HCN1: variants seen among roughly 807,000 people sequenced by gnomAD.
The protein encoded by HCN1 is potassium/sodium hyperpolarization-activated cyclic nucleotide-gated channel 1.
Under a neutral mutation model 78.9 loss-of-function variants are expected in HCN1, and 13 were observed. The observed-to-expected ratio is 0.16, with a 90% CI of 0.11 to 0.26. HCN1 has a LOEUF of 0.26. Among genes scored for constraint, HCN1 ranks in the 10% least tolerant of loss-of-function variants. The pLI is 1.00. For missense variants in HCN1, 810 were observed against 1,154.3 expected (o/e 0.70, Z 4.32); for synonymous variants, 552 against 455.5 (o/e 1.21, Z -2.70).
intron 2 of HCN1, among the ~76,000 whole-genome samples, chr5:45,506,605 A>G (rs1742306805): frequency 6.6e-6 from 1 of 152,172 alleles, no homozygotes. Flanking sequence ...GGGTTCATCA[A>G]TAAGAGAGGA....
chr5:45,371,372 T>C (rs1031426291), intron 4 of HCN1, among the ~76,000 whole-genome samples: 3 of 151,794 alleles, frequency 2.0e-5, no homozygotes, highest in African/African-American at 7.3e-5. Context: ...CATAAGTCGA[T>C]AGACCACCAG....
chr5:45,459,308 G>T (rs1405064753), intron 3 of HCN1, among the ~76,000 whole-genome samples: 1 of 150,984 alleles, frequency 6.6e-6, no homozygotes, highest in Non-Finnish European at 1.5e-5. Flanking sequence ...CATACATGAC[G>T]GTTTCCTTCT....
At chr5:45,281,721 G>A (rs945584656) in intron 6 of HCN1, among the ~76,000 whole-genome samples, 1 of 150,896 alleles carries the variant, frequency 6.6e-6, no homozygotes, top group Non-Finnish European at 1.5e-5. Context: ...CTGAGCAGCT[G>A]GGACTACAGG....
At chr5:45,376,047 A>T (rs1321606153) in intron 4 of HCN1, among the ~76,000 whole-genome samples, 1 of 112,824 alleles carries the variant, frequency 8.9e-6, no homozygotes, top group Non-Finnish European at 1.6e-5. Context: ...ATTTTATAAT[A>T]TATATTATAT....
chr5:45,627,306 A>C (rs1022063650), intron 2 of HCN1, among the ~76,000 whole-genome samples: 1 of 152,188 alleles, frequency 6.6e-6, no homozygotes, highest in Non-Finnish European at 1.5e-5. Context: ...GTTGCCTCTT[A>C]CTAAGTCACA....
chr5:45,273,126 T>A (rs562933160), intron 6 of HCN1, among the ~76,000 whole-genome samples: 3 of 151,864 alleles, frequency 2.0e-5, no homozygotes, highest in Admixed American at 1.3e-4. Context: ...TAATGGGGAC[T>A]TAGCGTATTA....
At chr5:45,467,162 C>T (rs1296233321) in intron 2 of HCN1, among the ~76,000 whole-genome samples, 1 of 152,134 alleles carries the variant, frequency 6.6e-6, no homozygotes, top group Admixed American at 6.6e-5. Context: ...GCTTTCTCTA[C>T]TTCTCTGCTT....
At chr5:45,305,199 C>A (rs1371768558) in intron 5 of HCN1, among the ~76,000 whole-genome samples, 1 of 152,090 alleles carries the variant, frequency 6.6e-6, no homozygotes, top group African/African-American at 2.4e-5. Context: ...GCTATACCGA[C>A]CCATCAATTC....
intron 2 of HCN1, among the ~76,000 whole-genome samples, chr5:45,590,080 G>A (rs1744328614): frequency 6.6e-6 from 1 of 152,028 alleles, no homozygotes; most frequent in South Asian, 2.1e-4. Context: ...TATTGTACTG[G>A]TGTATTTTTT....
At chr5:45,596,049 C>A (rs1172703274) in intron 2 of HCN1, among the ~76,000 whole-genome samples, 1 of 151,822 alleles carries the variant, frequency 6.6e-6, no homozygotes, top group African/African-American at 2.4e-5. Flanking sequence ...GGGACCACAA[C>A]CACACCCGGC....
intron 5 of HCN1, among the ~76,000 whole-genome samples, chr5:45,310,153 A>G (rs1745821670): frequency 6.6e-6 from 1 of 152,174 alleles, no homozygotes; most frequent in Admixed American, 6.5e-5. Context: ...AACAAATCAG[A>G]AATTGACAAA....
chr5:45,679,577 C>T (rs770429154), intron 1 of HCN1, among the ~76,000 whole-genome samples: 2 of 151,950 alleles, frequency 1.3e-5, no homozygotes, highest in East Asian at 1.9e-4. Context: ...AGTCACACAG[C>T]GTATTTTGTG....
chr5:45,462,105 T>C (rs1579910414), intron 2 of HCN1, 98 bp from the exon 3 acceptor site: 4 of 882,160 alleles, frequency 4.5e-6, no homozygotes, highest in East Asian at 2.7e-5. Flanking sequence ...AGCGTAAGCA[T>C]TGATTTAATA....
In HCN1 at chr5:45,364,700, A is replaced by G. The variant is rs183749475; in HGVS notation, c.1231-11454T>C. Among the ~76,000 whole-genome samples, 10 of 152,210 alleles carry G rather than the reference A, an allele frequency of 6.6e-5. No individual in the cohort carries two copies. In the East Asian group the frequency reaches 1.4e-3, roughly 21 times the overall value. ...CTTGTCATTTGGGAGTTAATTTTTAATGCCACTTTCTCTGAGTAATTTTCC... is the reference window on the plus strand; with the variant it reads ...CTTGTCATTTGGGAGTTAATTTTTAGTGCCACTTTCTCTGAGTAATTTTCC... On this transcript the variant is annotated intron_variant, in intron 4 of 7. Coordinates refer to ENST00000303230, the MANE Select transcript of HCN1 (RefSeq NM_021072.4).
At chr5:45,474,471 A>C (rs1561168466) in intron 2 of HCN1, among the ~76,000 whole-genome samples, 2 of 152,006 alleles carry the variant, frequency 1.3e-5, no homozygotes, top group East Asian at 1.9e-4. Flanking sequence ...AAAACCTCCT[A>C]AATTATTTTC....
At position 45,406,802 on chromosome 5, in the gene HCN1, T is replaced by C. The variant is rs998546978; in HGVS notation, c.1012-10092A>G. 2.0e-5 allele frequency among the ~76,000 whole-genome samples: 3 copies of C among 152,286 alleles called. No individual in the cohort carries two copies. The East Asian group carries it at 5.8e-4, about 29-fold the overall frequency. ...TAAGGACATTTAGAGAAAAATTATC[T>C]AAGGTTTTCATTAGAGAAAAACGCT... On this transcript the variant is annotated intron_variant, in intron 3 of 7. Coordinates refer to ENST00000303230, the MANE Select transcript of HCN1 (RefSeq NM_021072.4).
At chr5:45,303,520 T>A in intron 6 of HCN1, 79 bp downstream of exon 6, 1 of 1,474,196 alleles carries the variant, frequency 6.8e-7, no homozygotes, top group South Asian at 1.1e-5. Context: ...AAAACTGACA[T>A]GCTGACATCT....
At chr5:45,324,053 T>C (rs10058524) in intron 5 of HCN1, among the ~76,000 whole-genome samples, 1 of 151,126 alleles carries the variant, frequency 6.6e-6, no homozygotes, top group African/African-American at 2.5e-5. Context: ...CTGCATGATT[T>C]ATAATCCTTT....
chr5:45,328,034 G>A (rs1208078775), intron 5 of HCN1, among the ~76,000 whole-genome samples: 1 of 151,716 alleles, frequency 6.6e-6, no homozygotes, highest in African/African-American at 2.4e-5. Flanking sequence ...TGCCCCTTCT[G>A]AAGATCTGCC....
Sources: gnomAD v4.1 joint callset for allele counts (sites outside exome capture counted in the v4.1 genomes callset) on GRCh38, gnomAD v4.1.1 for gene constraint, MANE v1.5 for transcripts, NCBI Gene and HGNC (gene_info 2026-07-23, HGNC 2026-07-21) for gene names.